The following SLC8A1 variants were observed in gnomAD, a reference collection of about 807,000 sequenced individuals.
SLC8A1 encodes sodium/calcium exchanger 1.
Under a neutral mutation model 68.3 loss-of-function variants are expected in SLC8A1, and 18 were observed. The ratio of observed to expected loss-of-function variants is 0.26; its 90% CI spans 0.18 to 0.39. The LOEUF is 0.39. Ranked by LOEUF, SLC8A1 falls within the 10% of genes least tolerant of loss-of-function variation. The pLI, the probability that SLC8A1 is intolerant of heterozygous loss-of-function variation, is 1.00. For missense variants in SLC8A1, 985 were observed against 1,156.7 expected (o/e 0.85, Z 2.15); for synonymous variants, 475 against 415.5 (o/e 1.14, Z -1.74).
At chr2:40,392,509 T>C (rs1428994159) in intron 2 of SLC8A1, among the ~76,000 whole-genome samples, 1 of 152,076 alleles carries the variant, frequency 6.6e-6, no homozygotes, top group Non-Finnish European at 1.5e-5. Context: ...CTATGCATCT[T>C]AGTAATACTA....
intron 6 of SLC8A1, among the ~76,000 whole-genome samples, chr2:40,144,397 A>G (rs1230193191): frequency 6.6e-6 from 1 of 152,186 alleles, no homozygotes; most frequent in Non-Finnish European, 1.5e-5. Flanking sequence ...TGCTAAAATA[A>G]TCTCACACAG....
intron 2 of SLC8A1, among the ~76,000 whole-genome samples, chr2:40,367,863 A>AC (rs1413512611): frequency 1.3e-5 from 2 of 151,546 alleles, no homozygotes; most frequent in Non-Finnish European, 2.9e-5. Flanking sequence ...AGACAACACA[A>AC]CCCCCCACAT....
chr2:40,418,263 C>T (rs1576328859), intron 2 of SLC8A1, among the ~76,000 whole-genome samples: 1 of 152,058 alleles, frequency 6.6e-6, no homozygotes, highest in Non-Finnish European at 1.5e-5. Context: ...TTCATATTTA[C>T]TGTTTATTAC....
intron 2 of SLC8A1, among the ~76,000 whole-genome samples, chr2:40,378,802 C>G (rs916557406): frequency 1.3e-5 from 2 of 152,110 alleles, no homozygotes; most frequent in Non-Finnish European, 2.9e-5. Context: ...ACTCACTTCT[C>G]TCTTTAAAAT....
intron 1 of SLC8A1, among the ~76,000 whole-genome samples, chr2:40,484,341 T>G (rs1250842734): frequency 6.6e-6 from 1 of 152,198 alleles, no homozygotes; most frequent in African/African-American, 2.4e-5. Flanking sequence ...GGAACTGTGG[T>G]GCAAGCTTTA....
chr2:40,183,400 G>T (rs1159885110), intron 2 of SLC8A1, among the ~76,000 whole-genome samples: 1 of 152,230 alleles, frequency 6.6e-6, no homozygotes, highest in African/African-American at 2.4e-5. Context: ...TAAAAGGACT[G>T]CAGCACACGT....
intron 2 of SLC8A1, among the ~76,000 whole-genome samples, chr2:40,264,361 A>G (rs1430659548): frequency 6.6e-6 from 1 of 152,164 alleles, no homozygotes; most frequent in African/African-American, 2.4e-5. Context: ...TATATACCCA[A>G]AGGATTATAA....
chr2:40,434,825 AAAG>A (rs1288403305), intron 1 of SLC8A1, among the ~76,000 whole-genome samples: 1 of 152,170 alleles, frequency 6.6e-6, no homozygotes, highest in Non-Finnish European at 1.5e-5. Flanking sequence ...AGGATGGTAA[AAAG>A]ATATCCAGCT....
intron 2 of SLC8A1, among the ~76,000 whole-genome samples, chr2:40,357,948 G>A (rs976284604): frequency 6.7e-6 from 1 of 148,666 alleles, no homozygotes; most frequent in African/African-American, 2.5e-5. Context: ...TGTGCTGCCA[G>A]ATATTTTATC....
intron 1 of SLC8A1, among the ~76,000 whole-genome samples, chr2:40,460,910 A>G (rs1032630063): frequency 6.6e-6 from 1 of 152,146 alleles, no homozygotes; most frequent in African/African-American, 2.4e-5. Context: ...ATGGCCGGAT[A>G]TGTACTTTAT....
chr2:40,303,200 G>A (rs1328515570), intron 2 of SLC8A1, among the ~76,000 whole-genome samples: 1 of 152,174 alleles, frequency 6.6e-6, no homozygotes, highest in Non-Finnish European at 1.5e-5. Flanking sequence ...AAAACCTTGA[G>A]CCATTCTAGG....
In SLC8A1 at chr2:40,215,250, T is replaced by C. The variant is rs138046842; in HGVS notation, c.1809-37395A>G. 2.3e-4 allele frequency among the ~76,000 whole-genome samples: 35 copies of C among 152,170 alleles called. No homozygotes were observed. The East Asian group carries it at 6.2e-3, about 27-fold the overall frequency. Reference sequence around the variant, plus strand: ...GTGTGTTCATGGCTCACTGCAACCTTGAACTCCTGGACTCAAGCTATCTTC... The same window carrying C: ...GTGTGTTCATGGCTCACTGCAACCTCGAACTCCTGGACTCAAGCTATCTTC... On this transcript the variant is annotated intron_variant, in intron 2 of 7. Coordinates refer to ENST00000406785, the Ensembl canonical transcript of SLC8A1.
At chr2:40,308,440 T>C (rs2073071503) in intron 2 of SLC8A1, among the ~76,000 whole-genome samples, 1 of 152,108 alleles carries the variant, frequency 6.6e-6, no homozygotes, top group Non-Finnish European at 1.5e-5. Context: ...GATATGCTGA[T>C]ACAACATGCT....
At chr2:40,353,965 G>A (rs1240718879) in intron 2 of SLC8A1, among the ~76,000 whole-genome samples, 2 of 152,196 alleles carry the variant, frequency 1.3e-5, no homozygotes, top group African/African-American at 4.8e-5. Flanking sequence ...AAGGCACACA[G>A]TAAGTGGTTG....
chr2:40,264,605 A>G (rs569708417), intron 2 of SLC8A1, among the ~76,000 whole-genome samples: 31 of 152,304 alleles, frequency 2.0e-4, no homozygotes, highest in African/African-American at 7.2e-4. Flanking sequence ...CAAGGACAAA[A>G]AACCAAACAC....
intron 2 of SLC8A1, among the ~76,000 whole-genome samples, chr2:40,305,229 G>A (rs1384112718): frequency 6.6e-6 from 1 of 152,172 alleles, no homozygotes; most frequent in Non-Finnish European, 1.5e-5. Context: ...AGTGAAGACA[G>A]AAGGATGACC....
chr2:40,349,609 G>A (rs1445384104), intron 2 of SLC8A1, among the ~76,000 whole-genome samples: 1 of 152,066 alleles, frequency 6.6e-6, no homozygotes, highest in African/African-American at 2.4e-5. Context: ...AGGCTGGAAG[G>A]AGCTAATAGC....
intron 2 of SLC8A1, among the ~76,000 whole-genome samples, chr2:40,324,787 T>C (rs2075625167): frequency 6.6e-6 from 1 of 152,162 alleles, no homozygotes; most frequent in Non-Finnish European, 1.5e-5. Flanking sequence ...AAAGGTTGCA[T>C]CTTGACAAGT....
At chr2:40,136,295 C>T (rs1275076243) in intron 7 of SLC8A1, among the ~76,000 whole-genome samples, 1 of 152,206 alleles carries the variant, frequency 6.6e-6, no homozygotes, top group Admixed American at 6.5e-5. Context: ...GAATCCTTCT[C>T]TGCCAGTAGA....
Sources: gnomAD v4.1 joint callset for allele counts (sites outside exome capture counted in the v4.1 genomes callset) on GRCh38, gnomAD v4.1.1 for gene constraint, MANE v1.5 for transcripts, NCBI Gene and HGNC (gene_info 2026-07-23, HGNC 2026-07-21) for gene names.